The following SSH2 variants were observed in gnomAD, a reference collection of about 807,000 sequenced individuals.
SSH2 encodes the protein protein phosphatase Slingshot homolog 2.
In SSH2, 37 loss-of-function variants were observed where a neutral mutation model predicts 135.2. The observed-to-expected ratio is 0.27, with a 90% CI of 0.21 to 0.36. SSH2 has a LOEUF of 0.36. Among genes scored for constraint, SSH2 ranks in the 10% least tolerant of loss-of-function variants. The probability of loss-of-function intolerance (pLI) is 1.00; values close to 1 mark genes in which losing one functional copy is unlikely to be tolerated. For missense variants in SSH2, 1,408 were observed against 1,765.3 expected (o/e 0.80, Z 3.63); for synonymous variants, 628 against 646.2 (o/e 0.97, Z 0.43).
At position 29,671,948 on chromosome 17, in the gene SSH2, G is replaced by C. The variant is rs1191292630; in HGVS notation, c.796C>G (p.Leu266Val). 6.2e-7 allele frequency: 1 copy of C among 1,613,560 alleles called. No homozygotes were observed. Among genetic ancestry groups the C allele is most frequent in the Non-Finnish European group, 8.5e-7 (1 of 1,179,632 alleles). Reference protein sequence around the residue: ...VQSHRPDSPALFTDIPTERER... With the variant: ...VQSHRPDSPAVFTDIPTERER... ...AAACTGACTTACATGTCGGTGAAGA[G>C]AGCTGGAGAGTCGGGCCGGTGGGAC... The change falls in exon 9 of 16, where the codon CTC becomes GTC. Residue 266 changes from leucine (L) to valine (V), a missense_variant. Physicochemically the swap from Leu to Val is conservative, Grantham distance 32 (BLOSUM62 1). This residue lies in a region of SSH2 where 222 missense variants were observed against 355.6 expected (regional missense o/e 0.62). Coordinates refer to ENST00000540801, the MANE Select transcript of SSH2 (RefSeq NM_001282129.2).
chr17:29,705,096 G>A (rs2039144260), intron 3 of SSH2, among the ~76,000 whole-genome samples: 2 of 152,066 alleles, frequency 1.3e-5, no homozygotes, highest in South Asian at 4.1e-4. Context: ...CAGTTGTTTA[G>A]GCAAAACACC....
chr17:29,865,385 G>A (rs1040419690), intron 1 of SSH2, among the ~76,000 whole-genome samples: 1 of 152,200 alleles, frequency 6.6e-6, no homozygotes, highest in Non-Finnish European at 1.5e-5. Flanking sequence ...CAGCAGGAAA[G>A]CTTTACAACC....
At chr17:29,683,459 C>T (rs997248924) in intron 6 of SSH2, among the ~76,000 whole-genome samples, 2 of 152,128 alleles carry the variant, frequency 1.3e-5, no homozygotes, top group African/African-American at 2.4e-5. Context: ...ATCCCCGCCC[C>T]GCCCACCATC....
At chr17:29,817,711 A>C (rs1347209528) in intron 2 of SSH2, among the ~76,000 whole-genome samples, 2 of 152,150 alleles carry the variant, frequency 1.3e-5, no homozygotes. Context: ...CTTATGTAAA[A>C]TGGCATAATA....
intron 3 of SSH2, among the ~76,000 whole-genome samples, chr17:29,721,514 G>C (rs2039822704): frequency 2.0e-5 from 3 of 152,114 alleles, no homozygotes; most frequent in Admixed American, 2.0e-4. Context: ...GAATTCTGAG[G>C]GTCTTTTGTT....
intron 11 of SSH2, among the ~76,000 whole-genome samples, chr17:29,656,640 G>A (rs2036793091): frequency 6.6e-6 from 1 of 152,120 alleles, no homozygotes; most frequent in African/African-American, 2.4e-5. Flanking sequence ...TGGGGGAAGA[G>A]GTTCTGCTGA....
At chr17:29,736,650 G>A (rs1442261671) in intron 3 of SSH2, among the ~76,000 whole-genome samples, 2 of 150,956 alleles carry the variant, frequency 1.3e-5, no homozygotes, top group African/African-American at 4.9e-5. Context: ...AGCCAGGCAC[G>A]GTGGCACGTG....
chr17:29,704,219 T>C (rs1006272016), intron 3 of SSH2, among the ~76,000 whole-genome samples: 6 of 152,084 alleles, frequency 3.9e-5, no homozygotes, highest in African/African-American at 1.4e-4. Flanking sequence ...GTCCAAAGTT[T>C]GCAAAAAAAA....
intron 3 of SSH2, among the ~76,000 whole-genome samples, chr17:29,788,045 A>G (rs2042000292): frequency 6.6e-6 from 1 of 152,048 alleles, no homozygotes; most frequent in Admixed American, 6.5e-5. Context: ...ATCTTTTCAT[A>G]TGCTTATTGC....
chr17:29,892,765 CTCT>C, intron 1 of SSH2, among the ~76,000 whole-genome samples: 1 of 152,216 alleles, frequency 6.6e-6, no homozygotes. Flanking sequence ...ATCTCTCTCT[CTCT>C]GTCCTCTGGA....
In SSH2 at chr17:29,724,894, AT is replaced by A. The variant is rs547577370; in HGVS notation, c.189-21833del. ...TGTGAACCACCGTGCCTGGCCGTTAATTTTTTCTGAAGGTGTTCTAGTTGAT... is the reference window on the plus strand; with the variant it reads ...TGTGAACCACCGTGCCTGGCCGTTAATTTTTCTGAAGGTGTTCTAGTTGAT... On this transcript the variant is annotated intron_variant, in intron 3 of 15. Coordinates refer to ENST00000540801, the MANE Select transcript of SSH2 (RefSeq NM_001282129.2). 3.6e-3 allele frequency among the ~76,000 whole-genome samples: 550 copies of A among 151,588 alleles called. 2 individuals are homozygous for A. The highest frequency in any genetic ancestry group is 0.013 in the African/African-American group (532 of 41,364).
At position 29,630,743 on chromosome 17, in the gene SSH2, T is replaced by C; in HGVS notation, c.*98A>G. Reference sequence around the variant, plus strand: ...ACCAGAAACAGTAAAATGACCAAAATATTATAAAATTAACCAATAAAGTGC... The same window carrying C: ...ACCAGAAACAGTAAAATGACCAAAACATTATAAAATTAACCAATAAAGTGC... On this transcript the variant is annotated 3_prime_UTR_variant, in exon 16 of 16. Transcript: ENST00000540801. The C allele has an allele frequency of 7.5e-7, 1 of 1,340,290 alleles. No homozygotes were observed. The highest frequency in any genetic ancestry group is 1.0e-6 in the Non-Finnish European group (1 of 984,954). 83.0% of individuals were successfully genotyped at this position (1,340,290 alleles called of 1,614,324 possible). A position where few individuals can be genotyped will look rare whatever the true frequency, so the allele number is the denominator to read the frequency against.
chr17:29,819,586 TAAC>T (rs1398654088), intron 2 of SSH2, among the ~76,000 whole-genome samples: 1 of 152,208 alleles, frequency 6.6e-6, no homozygotes, highest in Non-Finnish European at 1.5e-5. Flanking sequence ...TCTAAGACAC[TAAC>T]AATAAGAAAA....
chr17:29,860,756 T>C (rs1395565761), intron 1 of SSH2, among the ~76,000 whole-genome samples: 2 of 151,742 alleles, frequency 1.3e-5, no homozygotes, highest in African/African-American at 2.4e-5. Flanking sequence ...TTTTTCTTTT[T>C]TTTTTTTGAG....
intron 2 of SSH2, among the ~76,000 whole-genome samples, chr17:29,819,846 A>G (rs1477014377): frequency 1.3e-5 from 2 of 152,252 alleles, no homozygotes; most frequent in African/African-American, 4.8e-5. Context: ...ATGTAAAAAT[A>G]TTCAGATCTG....
intron 1 of SSH2, among the ~76,000 whole-genome samples, chr17:29,850,115 C>T (rs73987167): frequency 2.6e-5 from 4 of 151,048 alleles, no homozygotes; most frequent in African/African-American, 9.7e-5. Flanking sequence ...AAAACCTTTT[C>T]TTCTGTTCTC....
intron 1 of SSH2, among the ~76,000 whole-genome samples, chr17:29,922,274 C>A (rs1189211211): frequency 6.6e-6 from 1 of 152,122 alleles, no homozygotes; most frequent in Admixed American, 6.6e-5. Context: ...TAAGGTCTCA[C>A]TAGCAATTCA....
At chr17:29,830,278 C>G (rs2042822955) in intron 2 of SSH2, among the ~76,000 whole-genome samples, 4 of 152,134 alleles carry the variant, frequency 2.6e-5, no homozygotes, top group Admixed American at 2.0e-4. Context: ...CTTGAATGTG[C>G]CAGTTTCCTG....
chr17:29,661,682 T>C (rs2037049044), intron 11 of SSH2, among the ~76,000 whole-genome samples: 1 of 152,188 alleles, frequency 6.6e-6, no homozygotes, highest in African/African-American at 2.4e-5. Flanking sequence ...GCCAGCGAAA[T>C]GTGACCACCT....
Sources: gnomAD v4.1 joint callset for allele counts (sites outside exome capture counted in the v4.1 genomes callset) on GRCh38, gnomAD v4.1.1 for gene constraint, gnomAD v4.1.1 regional missense constraint, MANE v1.5 for transcripts, NCBI Gene and HGNC (gene_info 2026-07-23, HGNC 2026-07-21) for gene names.